ADGRV1: variants seen among roughly 807,000 people sequenced by gnomAD.
ADGRV1 encodes the protein adhesion G protein-coupled receptor V1, also known as G-protein coupled receptor 98.
A neutral mutation model predicts 596.2 loss-of-function variants in ADGRV1; 359 were observed. That is an observed-to-expected ratio of 0.60 (90% CI 0.55 to 0.66). ADGRV1 has a LOEUF of 0.66. ADGRV1 is among the 30% of genes least tolerant of loss of function. The pLI, the probability that ADGRV1 is intolerant of heterozygous loss-of-function variation, is 0.00. For synonymous variants in ADGRV1, 2,681 were observed against 2,679.2 expected, an observed-to-expected ratio of 1.00 and a Z score of -0.02; for missense variants, 7,274 against 7,575.6, an observed-to-expected ratio of 0.96 and a Z score of 1.48.
chr5:90,812,305 C>T (rs939056990), intron 74 of ADGRV1, among the ~76,000 whole-genome samples: 1 of 152,130 alleles, frequency 6.6e-6, no homozygotes, highest in Admixed American at 6.6e-5. Flanking sequence ...GACAGGCTAT[C>T]TCATGATTCT....
At chr5:91,083,550 C>A (rs2126524380) in intron 86 of ADGRV1, among the ~76,000 whole-genome samples, 2 of 151,960 alleles carry the variant, frequency 1.3e-5, no homozygotes, top group East Asian at 3.9e-4. Context: ...GAAAAGTATA[C>A]CATATTAAAG....
chr5:90,681,364 C>A lies in ADGRV1; in HGVS notation c.5574C>A (p.Asp1858Glu), dbSNP rs771317730. ...SQILVTIAAS[D>E]HAHGVFEFSP... is the part of the protein sequence containing the mutation. Reference sequence around the variant, plus strand: ...TTCTAGTGACAATTGCAGCCTCTGACCACGCTCATGGCGTATTTGAATTTA... The same window carrying A: ...TTCTAGTGACAATTGCAGCCTCTGAACACGCTCATGGCGTATTTGAATTTA... The change falls in exon 27 of 90, where the codon GAC becomes GAA. Residue 1858 changes from aspartate to glutamate, a missense_variant. Physicochemically the swap from Asp to Glu is conservative, Grantham distance 45. Transcript: ENST00000405460. 221 of 1,613,732 alleles carry A rather than the reference C, an allele frequency of 1.4e-4. No individual in the cohort carries two copies. Among genetic ancestry groups the A allele is most frequent in the Non-Finnish European group, 1.7e-4 (198 of 1,179,808 alleles).
rs1472692176 is a variant in ADGRV1, at chr5:90,720,053, A to T, written c.9453A>T (p.Leu3151=). ...VLEEGVRFKA[L]QISAILDTEP... Reference sequence around the variant, plus strand: ...TCTTTTGATTTTGTTTTCAGGCCCTACAAATATCTGCCATATTAGACACGG... The same window carrying T: ...TCTTTTGATTTTGTTTTCAGGCCCTTCAAATATCTGCCATATTAGACACGG... Residue 3151 remains leucine, a synonymous_variant, in exon 44 of 90, where the codon CTA becomes CTT. Coordinates refer to ENST00000405460, the MANE Select transcript of ADGRV1 (RefSeq NM_032119.4). The T allele has an allele frequency of 6.2e-7, 1 of 1,613,136 alleles. No homozygotes were observed. The highest frequency in any genetic ancestry group is 8.5e-7 in the Non-Finnish European group (1 of 1,179,320).
chr5:90,603,405 C>G (rs774469002), intron 1 of ADGRV1, among the ~76,000 whole-genome samples: 4 of 152,130 alleles, frequency 2.6e-5, no homozygotes, highest in Non-Finnish European at 4.4e-5. Flanking sequence ...ATGGGTGGTG[C>G]TCATATAAGA....
chr5:90,727,212 C>G (rs1000509591), intron 48 of ADGRV1, among the ~76,000 whole-genome samples: 1 of 152,110 alleles, frequency 6.6e-6, no homozygotes, highest in South Asian at 2.1e-4. Flanking sequence ...CTTAGCCTCC[C>G]GGGTGGCTGG....
chr5:90,645,427 C>A lies in ADGRV1; in HGVS notation c.2899-541C>A, dbSNP rs72782749. ...GGGGAGCACCAGTTCACAGGGATGA[C>A]GTGAAAAAGAAACAGCGTCCACCTG... On this transcript the variant is annotated intron_variant, in intron 15 of 89. Transcript: ENST00000405460. 3.3e-5 allele frequency among the ~76,000 whole-genome samples: 5 copies of A among 152,098 alleles called. No homozygotes were observed. The East Asian group carries it at 9.7e-4, about 29-fold the overall frequency.
intron 84 of ADGRV1, among the ~76,000 whole-genome samples, chr5:90,969,783 A>G (rs1221465716): frequency 6.6e-6 from 1 of 152,198 alleles, no homozygotes; most frequent in Non-Finnish European, 1.5e-5. Flanking sequence ...TCCAGTCTAC[A>G]GCTCCTAGCG....
intron 1 of ADGRV1, among the ~76,000 whole-genome samples, chr5:90,607,391 C>T (rs948915700): frequency 2.0e-5 from 3 of 152,102 alleles, no homozygotes; most frequent in Non-Finnish European, 4.4e-5. Flanking sequence ...TGCTGACCCC[C>T]TGCTTACCCC....
In ADGRV1 at chr5:91,072,589, A is replaced by C; in HGVS notation, c.18295A>C (p.Arg6099=). 2 of 1,613,730 alleles carry C rather than the reference A, an allele frequency of 1.2e-6. No individual in the cohort carries two copies. Among genetic ancestry groups the C allele is most frequent in the Non-Finnish European group, 8.5e-7 (1 of 1,179,680 alleles). ...AGCATATGATGATGTCTTCAGAGGA[A>C]GGACAAATGCTGCAGGTTTGAAAGG... ...WKAYDDVFRG[R]TNAAEIPLIL... is the part of the protein sequence containing the mutation. The change falls in exon 86 of 90, where the codon AGG becomes CGG. Residue 6099 remains arginine (R), a synonymous_variant. Transcript: ENST00000405460.
At chr5:90,955,519 A>G (rs1441413675) in intron 83 of ADGRV1, among the ~76,000 whole-genome samples, 2 of 152,214 alleles carry the variant, frequency 1.3e-5, no homozygotes, top group Non-Finnish European at 1.5e-5. Context: ...GGAATCAGGC[A>G]TGTGGCAAGC....
chr5:90,896,267 G>GTTTTTTTTTTTTTTTTTTTTTTTT, intron 83 of ADGRV1, among the ~76,000 whole-genome samples: 1 of 84,858 alleles, frequency 1.2e-5, no homozygotes, highest in Non-Finnish European at 2.1e-5. Flanking sequence ...GTGACCAGTG[G>GTTTTTTTTTTTTTTTTTTTTTTTT]TTTTTTTTTT....
intron 83 of ADGRV1, among the ~76,000 whole-genome samples, chr5:90,955,291 A>G (rs1777375899): frequency 6.6e-6 from 1 of 152,160 alleles, no homozygotes; most frequent in African/African-American, 2.4e-5. Context: ...GAGCAAATAA[A>G]CCAAAATCAT....
At chr5:91,039,953 C>T (rs1340436790) in intron 85 of ADGRV1, among the ~76,000 whole-genome samples, 2 of 151,652 alleles carry the variant, frequency 1.3e-5, no homozygotes, top group African/African-American at 4.9e-5. Flanking sequence ...AACTCCTCAG[C>T]TAAAGAAAAA....
chr5:90,619,149 G>C lies in ADGRV1; in HGVS notation c.421G>C (p.Asp141His). 6.7e-7 allele frequency: 1 copy of C among 1,492,388 alleles called. No individual in the cohort carries two copies. Among genetic ancestry groups the C allele is most frequent in the East Asian group, 2.5e-5 (1 of 39,848 alleles). The allele number at this position is 1,492,388 out of a possible 1,614,324, so 92.4% of individuals were successfully genotyped here. Reference protein sequence around the residue: ...RTVTVTILSNDNAFGIISFNM... With the variant: ...RTVTVTILSNHNAFGIISFNM... ...TGTTACTGTGACAATATTATCAAAT[G>C]ACAATGCATTTGGAATTATTTCATT... The change falls in exon 4 of 90, where the codon GAC (aspartate) becomes CAC (histidine). Residue 141 changes from aspartate to histidine, a missense_variant. By Grantham distance (81) the Asp-to-His change is moderately conservative (BLOSUM62 -1). Coordinates refer to ENST00000405460, the MANE Select transcript of ADGRV1 (RefSeq NM_032119.4).
At chr5:90,883,441 G>A (rs1380933057) in intron 83 of ADGRV1, among the ~76,000 whole-genome samples, 1 of 152,092 alleles carries the variant, frequency 6.6e-6, no homozygotes, top group Non-Finnish European at 1.5e-5. Flanking sequence ...AAATGGGGTG[G>A]TCTTTAGACT....
intron 59 of ADGRV1, among the ~76,000 whole-genome samples, chr5:90,768,868 C>T (rs1381288359): frequency 2.6e-5 from 4 of 152,094 alleles, no homozygotes; most frequent in Non-Finnish European, 5.9e-5. Context: ...TTGAGGTCAA[C>T]ACCTGTGTAA....
rs1797193518 is a variant in ADGRV1, at chr5:91,164,356, A to G, written c.*456A>G. 4.2e-6 allele frequency: 1 copy of G among 237,308 alleles called. No individual in the cohort carries two copies. Among genetic ancestry groups the G allele is most frequent in the Non-Finnish European group, 8.5e-6 (1 of 117,406 alleles). The allele number at this position is 237,308 out of a possible 1,614,324, so 14.7% of individuals were successfully genotyped here. A position where few individuals can be genotyped will look rare whatever the true frequency, so the allele number is the denominator to read the frequency against. On this transcript the variant is annotated 3_prime_UTR_variant, in exon 90 of 90. Coordinates refer to ENST00000405460, the MANE Select transcript of ADGRV1 (RefSeq NM_032119.4). ...GATCCAGATTCAAGACTTCACTGCAACTAGAAGACTTTAATTCTGAAAACT... is the reference window on the plus strand; with the variant it reads ...GATCCAGATTCAAGACTTCACTGCAGCTAGAAGACTTTAATTCTGAAAACT...
At chr5:90,702,805 C>T (rs968583665) in intron 34 of ADGRV1, among the ~76,000 whole-genome samples, 2 of 151,650 alleles carry the variant, frequency 1.3e-5, no homozygotes, top group East Asian at 1.9e-4. Flanking sequence ...TTAAGGATGT[C>T]GTCTTCTAAA....
chr5:91,094,107 C>T (rs1790636337), intron 86 of ADGRV1, among the ~76,000 whole-genome samples: 1 of 151,994 alleles, frequency 6.6e-6, no homozygotes, highest in African/African-American at 2.4e-5. Flanking sequence ...CAGCCTCCAC[C>T]TCCCAAAGTG....
Sources: gnomAD v4.1 joint callset for allele counts (sites outside exome capture counted in the v4.1 genomes callset) on GRCh38, gnomAD v4.1.1 for gene constraint, MANE v1.5 for transcripts, NCBI Gene and HGNC (gene_info 2026-07-23, HGNC 2026-07-21) for gene names.